Variants in PTPRD observed in about 807,000 individuals in gnomAD.
PTPRD encodes the protein receptor-type tyrosine-protein phosphatase delta.
In PTPRD, 34 loss-of-function variants were observed where a neutral mutation model predicts 214.5. The ratio of observed to expected loss-of-function variants is 0.16; its 90% CI spans 0.12 to 0.21. The LOEUF is 0.21. Ranked by LOEUF, PTPRD falls within the 10% of genes least tolerant of loss-of-function variation. The pLI is 1.00. For synonymous variants in PTPRD, 1,128 were observed against 845.7 expected (o/e 1.33, Z -5.79); for missense variants, 2,545 against 2,398.7 (o/e 1.06, Z -1.27).
At chr9:9,980,608 CA>C (rs750547585) in intron 4 of PTPRD, among the ~76,000 whole-genome samples, 3 of 11,428 alleles carry the variant, frequency 2.6e-4, no homozygotes, top group Admixed American at 7.8e-4. Flanking sequence ...GACACCTTGT[CA>C]AAAAAAAACA....
intron 27 of PTPRD, among the ~76,000 whole-genome samples, chr9:8,492,023 G>A (rs56284876): frequency 2.0e-3 from 311 of 152,242 alleles, no homozygotes; most frequent in Non-Finnish European, 3.8e-3. Flanking sequence ...CCTTCATGCT[G>A]GCTTTTCCTA....
At position 9,083,376 on chromosome 9, in the gene PTPRD, T is replaced by A. The variant is rs376474188; in HGVS notation, c.-142-64641A>T. 1.2e-4 allele frequency among the ~76,000 whole-genome samples: 18 copies of A among 152,262 alleles called. No individual in the cohort carries two copies. In the East Asian group the frequency reaches 3.1e-3, roughly 26 times the overall value. On this transcript the variant is annotated intron_variant, in intron 10 of 45. Transcript: ENST00000381196. ...TGCAGAAAACTGAAACTGGACCTCT[T>A]CTTTATACCTAATACAAAAATTAAC...
chr9:9,477,812 G>T (rs990718455), intron 8 of PTPRD, among the ~76,000 whole-genome samples: 1 of 151,896 alleles, frequency 6.6e-6, no homozygotes, highest in Non-Finnish European at 1.5e-5. Context: ...CTTGACAAAC[G>T]TGTTTCAAAA....
intron 7 of PTPRD, among the ~76,000 whole-genome samples, chr9:9,628,535 A>G (rs1374989315): frequency 6.6e-6 from 1 of 152,232 alleles, no homozygotes; most frequent in Non-Finnish European, 1.5e-5. Flanking sequence ...TTCCTAGAAC[A>G]GCTCAAATCC....
At chr9:9,527,384 G>A (rs1395398514) in intron 8 of PTPRD, among the ~76,000 whole-genome samples, 1 of 152,168 alleles carries the variant, frequency 6.6e-6, no homozygotes, top group Non-Finnish European at 1.5e-5. Flanking sequence ...ACCATGTGAA[G>A]CGTGGGCACT....
At chr9:10,309,248 CCTTTT>C (rs1261307125) in intron 3 of PTPRD, among the ~76,000 whole-genome samples, 2 of 151,910 alleles carry the variant, frequency 1.3e-5, no homozygotes, top group Non-Finnish European at 2.9e-5. Flanking sequence ...CTTTCTTTCT[CCTTTT>C]CTTATTTTCT....
At chr9:8,952,065 T>A (rs2154306150) in intron 11 of PTPRD, among the ~76,000 whole-genome samples, 1 of 152,134 alleles carries the variant, frequency 6.6e-6, no homozygotes, top group South Asian at 2.1e-4. Context: ...CTTACTTGAC[T>A]ATAACTATTT....
At chr9:9,001,952 T>G (rs73439803) in intron 11 of PTPRD, among the ~76,000 whole-genome samples, 2 of 149,868 alleles carry the variant, frequency 1.3e-5, no homozygotes, top group East Asian at 2.0e-4. Flanking sequence ...TATGCAATAA[T>G]TGATTACTAC....
chr9:9,930,225 T>C (rs1367955481), intron 5 of PTPRD, among the ~76,000 whole-genome samples: 1 of 152,114 alleles, frequency 6.6e-6, no homozygotes, highest in Non-Finnish European at 1.5e-5. Flanking sequence ...GGTATGTTGA[T>C]CTAGTACACA....
At chr9:8,802,644 G>A (rs1021613126) in intron 11 of PTPRD, among the ~76,000 whole-genome samples, 3 of 152,178 alleles carry the variant, frequency 2.0e-5, no homozygotes, top group Non-Finnish European at 4.4e-5. Context: ...TCAATTTGTA[G>A]ATCCTAAGGC....
chr9:8,841,027 G>C (rs1291827953), intron 11 of PTPRD, among the ~76,000 whole-genome samples: 1 of 152,146 alleles, frequency 6.6e-6, no homozygotes, highest in Non-Finnish European at 1.5e-5. Context: ...GACCTGGAGT[G>C]CTGTAAGCCA....
intron 11 of PTPRD, 25 bp from the exon 12 acceptor site, chr9:8,733,971 G>A (rs1245763116): frequency 1.1e-6 from 1 of 905,800 alleles, no homozygotes; most frequent in Non-Finnish European, 1.7e-6. Flanking sequence ...GAAGAGAAAA[G>A]AAAAGGAAGA....
intron 7 of PTPRD, among the ~76,000 whole-genome samples, chr9:9,664,224 CTATT>C (rs1231241445): frequency 6.6e-6 from 1 of 151,166 alleles, no homozygotes; most frequent in African/African-American, 2.4e-5. Flanking sequence ...TGGGTTCTGA[CTATT>C]TATATAGTGA....
intron 8 of PTPRD, among the ~76,000 whole-genome samples, chr9:9,453,232 C>T (rs938199146): frequency 2.8e-4 from 42 of 151,448 alleles, no homozygotes; most frequent in Non-Finnish European, 7.4e-5. Flanking sequence ...CTTTACAAGC[C>T]ATCTATATCA....
chr9:9,794,216 T>C (rs932478638), intron 5 of PTPRD, among the ~76,000 whole-genome samples: 15 of 151,164 alleles, frequency 9.9e-5, no homozygotes, highest in Non-Finnish European at 1.6e-4. Context: ...TATATATATA[T>C]ACACGTACAT....
intron 8 of PTPRD, among the ~76,000 whole-genome samples, chr9:9,427,955 G>C (rs1290630813): frequency 1.3e-5 from 2 of 152,130 alleles, no homozygotes; most frequent in Non-Finnish European, 2.9e-5. Context: ...CCACTGCAAA[G>C]ACATGCCGAA....
intron 3 of PTPRD, among the ~76,000 whole-genome samples, chr9:10,082,844 C>CAG (rs1002379393): frequency 2.8e-4 from 40 of 144,492 alleles, no homozygotes; most frequent in African/African-American, 1.0e-3. Flanking sequence ...CACACAAACA[C>CAG]ACACACACAC....
intron 7 of PTPRD, among the ~76,000 whole-genome samples, chr9:9,697,134 C>T (rs1309735124): frequency 6.6e-6 from 1 of 151,928 alleles, no homozygotes; most frequent in African/African-American, 2.4e-5. Context: ...TTTTATAGTG[C>T]CTGTCTCTTA....
chr9:8,927,332 C>A (rs1269336527), intron 11 of PTPRD, among the ~76,000 whole-genome samples: 1 of 152,134 alleles, frequency 6.6e-6, no homozygotes, highest in Non-Finnish European at 1.5e-5. Context: ...ATCAACCCAT[C>A]ATCTACATTA....
Sources: allele counts gnomAD v4.1 joint callset (sites outside exome capture counted in the v4.1 genomes callset), GRCh38; gene constraint gnomAD v4.1.1; transcripts MANE v1.5; gene names NCBI Gene and HGNC (gene_info 2026-07-23, HGNC 2026-07-21).